The following DIP2C variants were observed in gnomAD, a reference collection of about 807,000 sequenced individuals.
DIP2C encodes disco-interacting protein 2 homolog C.
In DIP2C, 33 loss-of-function variants were observed where a neutral mutation model predicts 192.4. The observed-to-expected ratio is 0.17, with a 90% CI of 0.13 to 0.23. The LOEUF is 0.23. Among genes scored for constraint, DIP2C ranks in the 10% least tolerant of loss-of-function variants. The pLI is 1.00. For missense variants in DIP2C, 1,537 were observed against 2,110.1 expected, an observed-to-expected ratio of 0.73 and a Z score of 5.32; for synonymous variants, 979 against 864.1, an observed-to-expected ratio of 1.13 and a Z score of -2.33.
intron 1 of DIP2C, among the ~76,000 whole-genome samples, chr10:530,880 T>TCC (rs1847325076): frequency 6.6e-6 from 1 of 151,876 alleles, no homozygotes; most frequent in African/African-American, 2.4e-5. Flanking sequence ...GCATGAAGTC[T>TCC]CCTCCACAGT....
chr10:293,464 A>T (rs1053604782), intron 32 of DIP2C, among the ~76,000 whole-genome samples: 3 of 152,244 alleles, frequency 2.0e-5, no homozygotes, highest in African/African-American at 7.2e-5. Context: ...TTCCAAAATT[A>T]ATTTGAAGCA....
At chr10:615,093 AAGG>A (rs1161693168) in intron 1 of DIP2C, among the ~76,000 whole-genome samples, 1 of 152,222 alleles carries the variant, frequency 6.6e-6, no homozygotes, top group Admixed American at 6.5e-5. Flanking sequence ...CTCATTAAGA[AAGG>A]AGAATTAAGG....
intron 1 of DIP2C, among the ~76,000 whole-genome samples, chr10:592,285 T>G (rs927662272): frequency 7.5e-4 from 114 of 152,298 alleles, no homozygotes; most frequent in African/African-American, 2.4e-3. Context: ...GCGTGACAGT[T>G]TGTGTGGCTG....
chr10:313,141 T>C (rs1020092419), intron 31 of DIP2C, among the ~76,000 whole-genome samples: 2 of 152,168 alleles, frequency 1.3e-5, no homozygotes, highest in African/African-American at 4.8e-5. Context: ...AAGATACATA[T>C]TGAGGGAGTA....
chr10:476,786 G>A (rs537252235), intron 2 of DIP2C, among the ~76,000 whole-genome samples: 11 of 152,202 alleles, frequency 7.2e-5, no homozygotes, highest in East Asian at 1.9e-4. Flanking sequence ...AAGCATTTTT[G>A]GAATCCCATT....
chr10:347,775 T>C (rs1367208774), intron 26 of DIP2C, among the ~76,000 whole-genome samples: 1 of 127,088 alleles, frequency 7.9e-6, no homozygotes, highest in African/African-American at 3.1e-5. Flanking sequence ...CCCAGACACA[T>C]CGCGCATAGT....
In DIP2C at chr10:586,313, G is replaced by A. The variant is rs189995835; in HGVS notation, c.86-99783C>T. Among the ~76,000 whole-genome samples the A allele has an allele frequency of 1.9e-3, 282 of 152,314 alleles. 3 individuals are homozygous for A. The highest frequency in any genetic ancestry group is 1.8e-3 in the Non-Finnish European group (121 of 68,026). On this transcript the variant is annotated intron_variant, in intron 1 of 36. Transcript: ENST00000280886. ...CATCTGACCTGGCTGGGATCCAAGT[G>A]CAGGAATGCATATCGGACACATGAA...
intron 1 of DIP2C, among the ~76,000 whole-genome samples, chr10:547,426 G>C (rs775406606): frequency 6.6e-6 from 1 of 152,040 alleles, no homozygotes; most frequent in Non-Finnish European, 1.5e-5. Context: ...AAATACTCAG[G>C]GCTCACATCA....
intron 14 of DIP2C, among the ~76,000 whole-genome samples, chr10:385,552 G>T (rs138348531): frequency 6.6e-6 from 1 of 152,234 alleles, no homozygotes; most frequent in African/African-American, 2.4e-5. Flanking sequence ...GCTCTGAATC[G>T]CAGGGCTAGG....
chr10:660,919 C>T (rs1303638339), intron 1 of DIP2C, among the ~76,000 whole-genome samples: 1 of 152,194 alleles, frequency 6.6e-6, no homozygotes, highest in African/African-American at 2.4e-5. Flanking sequence ...CACAAAAATA[C>T]AGAGCTCCAA....
rs747328811 is a variant in DIP2C at position 651,551 on chromosome 10, C to T, written c.85+37943G>A. 2.5e-5 allele frequency: 11 copies of T among 438,742 alleles called. No individual in the cohort carries two copies. The highest frequency in any genetic ancestry group is 1.0e-4 in the East Asian group (2 of 19,924). 27.2% of individuals were successfully genotyped at this position (438,742 alleles called of 1,614,324 possible). A position where few individuals can be genotyped will look rare whatever the true frequency, so the allele number is the denominator to read the frequency against. ...AAAAAAGCTTAACTTTGTTTCAGTG[C>T]CTTTCCAGTTAAATGTTGTTAAGCA... On this transcript the variant is annotated intron_variant, in intron 1 of 36. Coordinates refer to ENST00000280886, the MANE Select transcript of DIP2C (RefSeq NM_014974.3). The surrounding 1 kb of genome is among the most constrained non-coding windows in gnomAD (Gnocchi z 4.1).
intron 1 of DIP2C, among the ~76,000 whole-genome samples, chr10:584,647 C>T (rs1564232049): frequency 8.9e-6 from 1 of 112,972 alleles, no homozygotes; most frequent in Non-Finnish European, 1.8e-5. Flanking sequence ...CGCGCATCAC[C>T]TCTCAATCTC....
intron 1 of DIP2C, among the ~76,000 whole-genome samples, chr10:531,662 TTGTG>T (rs1847378532): frequency 6.6e-6 from 1 of 151,884 alleles, no homozygotes; most frequent in East Asian, 1.9e-4. Context: ...CCCTCTACAG[TTGTG>T]TGTAAGGAAT....
intron 1 of DIP2C, among the ~76,000 whole-genome samples, chr10:505,106 G>A (rs1446444035): frequency 6.6e-6 from 1 of 152,138 alleles, no homozygotes; most frequent in Admixed American, 6.5e-5. Context: ...ACCCTTCCCG[G>A]AACCGTGTGC....
intron 4 of DIP2C, 123 bp from the exon 5 acceptor site, chr10:423,156 TAC>T (rs1966323421): frequency 3.2e-6 from 3 of 943,144 alleles, no homozygotes; most frequent in Non-Finnish European, 4.7e-6. Context: ...GACTTTTTGA[TAC>T]ACTCTTGAGA....
At chr10:531,784 C>T (rs1847384677) in intron 1 of DIP2C, among the ~76,000 whole-genome samples, 1 of 152,202 alleles carries the variant, frequency 6.6e-6, no homozygotes, top group African/African-American at 2.4e-5. Context: ...GGACAAACAG[C>T]TGCCTCGACG....
At chr10:380,241 G>A (rs1564638664) in intron 17 of DIP2C, among the ~76,000 whole-genome samples, 1 of 149,892 alleles carries the variant, frequency 6.7e-6, no homozygotes, top group South Asian at 2.1e-4. Flanking sequence ...AGAAGAGGCT[G>A]TCCCTGGAAG....
chr10:601,930 T>C (rs1588568393), intron 1 of DIP2C, among the ~76,000 whole-genome samples: 1 of 152,134 alleles, frequency 6.6e-6, no homozygotes, highest in African/African-American at 2.4e-5. Context: ...TTTGTTCTGA[T>C]TGATCAGTGG....
intron 18 of DIP2C, among the ~76,000 whole-genome samples, chr10:366,751 C>T (rs1960268234): frequency 6.6e-6 from 1 of 152,216 alleles, no homozygotes; most frequent in East Asian, 1.9e-4. Context: ...CACCAGACAT[C>T]AGCAACGTGG....
Sources: allele counts gnomAD v4.1 joint callset (sites outside exome capture counted in the v4.1 genomes callset), GRCh38; gene constraint gnomAD v4.1.1; non-coding constraint Gnocchi (gnomAD v3.1); transcripts MANE v1.5; gene names NCBI Gene and HGNC (gene_info 2026-07-23, HGNC 2026-07-21).